Variants in CCDC144A observed in about 807,000 individuals in gnomAD.
CCDC144A encodes the protein coiled-coil domain containing 144A.
Under a neutral mutation model 143.8 loss-of-function variants are expected in CCDC144A, and 41 were observed. That is an observed-to-expected ratio of 0.29 (90% CI 0.22 to 0.37). The LOEUF is 0.37. Ranked by LOEUF, CCDC144A falls within the 10% of genes least tolerant of loss-of-function variation. The pLI is 1.00. For missense variants in CCDC144A, 637 were observed against 1,488.8 expected (o/e 0.43, Z 9.41); for synonymous variants, 242 against 517.9 (o/e 0.47, Z 7.23).
At position 16,735,737 on chromosome 17, in the gene CCDC144A, TA is replaced by T. The variant is rs1292973030; in HGVS notation, c.3372+95del. On this transcript the variant is annotated intron_variant, in intron 12 of 16. Coordinates refer to ENST00000399273, the MANE Select transcript of CCDC144A (RefSeq NM_001382000.1). The stretch of plus-strand genomic sequence containing the variant: ...TGGCTAAATGTTGTATCTAGTTGAA[TA>T]TAAAATGTATAGATCATAAATGTAC... 3.7e-6 allele frequency: 3 copies of T among 820,750 alleles called. No homozygotes were observed. In the African/African-American group the frequency reaches 5.2e-5, roughly 14 times the overall value. The allele number at this position is 820,750 out of a possible 1,614,324, so 50.8% of individuals were successfully genotyped here.
chr17:16,677,266 C>A, the CCDC144A span, among the ~76,000 whole-genome samples: 1 of 152,108 alleles, frequency 6.6e-6, no homozygotes, highest in Non-Finnish European at 1.5e-5. Flanking sequence ...CTCTAAAGTT[C>A]CGTCTGTTCC....
rs1916011384 is a variant in CCDC144A at position 16,776,633 on chromosome 17, A to C, written c.*3000A>C. 1 of 152,160 alleles carries C rather than the reference A, an allele frequency of 6.6e-6. No individual in the cohort carries two copies. Among genetic ancestry groups the C allele is most frequent in the African/African-American group, 2.4e-5 (1 of 41,438 alleles). The allele number at this position is 152,160 out of a possible 1,614,324, so 9.4% of individuals were successfully genotyped here. ...GATGGAGTTTTCTAGATATAGGATC[A>C]TATCATCTGCAAACAAAGATAGTTT... On this transcript the variant is annotated 3_prime_UTR_variant, in exon 17 of 17. Coordinates refer to ENST00000399273, the MANE Select transcript of CCDC144A (RefSeq NM_001382000.1).
chr17:16,724,371 A>G (rs561829181), intron 8 of CCDC144A, among the ~76,000 whole-genome samples: 2 of 152,160 alleles, frequency 1.3e-5, no homozygotes, highest in Non-Finnish European at 2.9e-5. Context: ...CTCTGTCTCT[A>G]CTAAAAATAC....
At position 16,690,356 on chromosome 17, in the gene CCDC144A, G is replaced by A; in HGVS notation, c.-45G>A. 7.0e-7 allele frequency: 1 copy of A among 1,421,330 alleles called. No individual in the cohort carries two copies. The highest frequency in any genetic ancestry group is 2.4e-5 in the East Asian group (1 of 41,478). 88.0% of individuals were successfully genotyped at this position (1,421,330 alleles called of 1,614,324 possible). A position where few individuals can be genotyped will look rare whatever the true frequency, so the allele number is the denominator to read the frequency against. ...TCCTTTCGCAGATTGGAAACCGCGG[G>A]CTATCCTGCTGGGAGGTTGTGGCCG... On this transcript the variant is annotated 5_prime_UTR_variant, in exon 1 of 17. Coordinates refer to ENST00000399273, the MANE Select transcript of CCDC144A (RefSeq NM_001382000.1).
At chr17:16,666,961 G>C in the CCDC144A span, 1 of 153,028 alleles carries the variant, frequency 6.5e-6, no homozygotes, top group African/African-American at 2.4e-5. Context: ...CCTTGGCTGG[G>C]ACAGATCGGG....
intron 12 of CCDC144A, among the ~76,000 whole-genome samples, chr17:16,758,104 G>A (rs1915183075): frequency 6.6e-6 from 1 of 152,210 alleles, no homozygotes; most frequent in South Asian, 2.1e-4. Flanking sequence ...TCTCGATGAT[G>A]TCTCTGTCTA....
intron 9 of CCDC144A, among the ~76,000 whole-genome samples, chr17:16,728,737 C>T (rs1207501287): frequency 1.3e-5 from 2 of 152,072 alleles, no homozygotes; most frequent in African/African-American, 2.4e-5. Flanking sequence ...TCATCCTCCT[C>T]CCACACTCTC....
rs2621519 is a variant in CCDC144A, at chr17:16,751,668, T to C, written c.3373-9757T>C. Among the ~76,000 whole-genome samples the C allele has an allele frequency of 4.1e-3, 626 of 152,302 alleles. 6 individuals carry two copies. Among genetic ancestry groups the C allele is most frequent in the Admixed American group, 0.021 (318 of 15,298 alleles). Reference sequence around the variant, plus strand: ...CGAGAGACCTACAACTCTCTGGGGATGTGCTGGTTGTCTGGGCTTGGTAGA... The same window carrying C: ...CGAGAGACCTACAACTCTCTGGGGACGTGCTGGTTGTCTGGGCTTGGTAGA... On this transcript the variant is annotated intron_variant, in intron 12 of 16. Transcript: ENST00000399273.
chr17:16,683,938 C>A, the CCDC144A span: 11 of 1,245,954 alleles, frequency 8.8e-6, 1 homozygote, highest in South Asian at 1.2e-5. Flanking sequence ...CAGGAATCCG[C>A]GTTTACTGGG....
intron 8 of CCDC144A, among the ~76,000 whole-genome samples, chr17:16,724,787 ATTTTTTTTTTTTTTTTTT>A (rs760344292): frequency 4.0e-4 from 14 of 35,112 alleles, no homozygotes; most frequent in South Asian, 2.7e-3. Context: ...GATTAACTGA[ATTTTTTTTTTTTTTTTTT>A]TTTTTTTTTT....
chr17:16,738,691 C>T (rs562796925), intron 12 of CCDC144A, among the ~76,000 whole-genome samples: 2 of 152,148 alleles, frequency 1.3e-5, no homozygotes, highest in African/African-American at 2.4e-5. Flanking sequence ...GCCATTCATC[C>T]GTTGATGGAC....
At chr17:16,768,920 A>G (rs1303375149) in intron 15 of CCDC144A, among the ~76,000 whole-genome samples, 1 of 152,042 alleles carries the variant, frequency 6.6e-6, no homozygotes, top group Non-Finnish European at 1.5e-5. Flanking sequence ...TTTCTTGTTC[A>G]GGCTGTGGTG....
the CCDC144A span, among the ~76,000 whole-genome samples, chr17:16,668,473 T>G: frequency 6.6e-6 from 1 of 152,230 alleles, no homozygotes; most frequent in Non-Finnish European, 1.5e-5. Context: ...GTTATGAAGA[T>G]TCAATGATAT....
chr17:16,701,003 A>AT (rs1037224519), intron 2 of CCDC144A, among the ~76,000 whole-genome samples: 1 of 151,840 alleles, frequency 6.6e-6, no homozygotes, highest in Non-Finnish European at 1.5e-5. Context: ...ATTTTTGTGA[A>AT]TTTTTTTTGC....
At chr17:16,708,710 A>G in intron 4 of CCDC144A, 86 bp from the exon 5 acceptor site, 1 of 1,543,570 alleles carries the variant, frequency 6.5e-7, no homozygotes, top group Non-Finnish European at 8.9e-7. Context: ...TTTAAGGACA[A>G]AGCTATTTTT....
At chr17:16,688,558 G>A (rs1910872910), upstream of CCDC144A, among the ~76,000 whole-genome samples, 1 of 122,498 alleles carries the variant, frequency 8.2e-6, no homozygotes, top group Non-Finnish European at 1.6e-5. Flanking sequence ...GCATGATCTT[G>A]ACTCACTGCA....
chr17:16,773,002 A>G (rs538501), intron 16 of CCDC144A, among the ~76,000 whole-genome samples: 2 of 152,268 alleles, frequency 1.3e-5, no homozygotes, highest in African/African-American at 2.4e-5. Flanking sequence ...CACAACCACA[A>G]TGATCATTAA....
At chr17:16,682,145 T>C in the CCDC144A span, among the ~76,000 whole-genome samples, 1 of 151,720 alleles carries the variant, frequency 6.6e-6, no homozygotes, top group Non-Finnish European at 1.5e-5. Context: ...CATTTGGAAT[T>C]ACTGCACTTT....
the CCDC144A span, among the ~76,000 whole-genome samples, chr17:16,680,152 G>A: frequency 3.9e-5 from 6 of 151,956 alleles, no homozygotes; most frequent in East Asian, 1.9e-4. Context: ...CTTTTGGCTG[G>A]GCATGGTGGC....
Sources: gnomAD v4.1 joint callset for allele counts (sites outside exome capture counted in the v4.1 genomes callset) on GRCh38, gnomAD v4.1.1 for gene constraint, MANE v1.5 for transcripts, NCBI Gene and HGNC (gene_info 2026-07-23, HGNC 2026-07-21) for gene names.